The following ZMPSTE24 variants were observed in gnomAD, a reference collection of about 807,000 sequenced individuals.
ZMPSTE24 encodes the protein CAAX prenyl protease 1 homolog.
ZMPSTE24 carries 48 observed loss-of-function variants against 56.7 expected under a neutral mutation model. The observed-to-expected ratio is 0.85, with a 90% CI of 0.67 to 1.08. The LOEUF (loss-of-function observed/expected upper bound fraction) is 1.08. ZMPSTE24 is among the 50% of genes least tolerant of loss of function. The probability of loss-of-function intolerance (pLI) is 0.00; values close to 1 mark genes in which losing one functional copy is unlikely to be tolerated. For synonymous variants in ZMPSTE24, 172 were observed against 195.2 expected, an observed-to-expected ratio of 0.88 and a Z score of 0.99; for missense variants, 503 against 548.7, an observed-to-expected ratio of 0.92 and a Z score of 0.83.
chr1:40,271,495 T>A (rs1373048212), intron 5 of ZMPSTE24, among the ~76,000 whole-genome samples: 1 of 152,208 alleles, frequency 6.6e-6, no homozygotes, highest in Non-Finnish European at 1.5e-5. Flanking sequence ...CTACTAATTC[T>A]TTTTTGGGAA....
At chr1:40,269,151 CTTTG>C (rs1057509552) in intron 4 of ZMPSTE24, among the ~76,000 whole-genome samples, 4 of 150,352 alleles carry the variant, frequency 2.7e-5, no homozygotes, top group Non-Finnish European at 5.9e-5. Flanking sequence ...AATCCCAACA[CTTTG>C]GGAGGCTAAG....
Position 40,259,911 on chromosome 1 carries a change from T to A in ZMPSTE24, c.124-928T>A, listed in dbSNP as rs143470467. ...ACCGTGCTCGATCTCCCCTCAGCTT[T>A]TATTGGCACACAACAATATATAGGG... On this transcript the variant is annotated intron_variant, in intron 1 of 9. Transcript: ENST00000372759. Among the ~76,000 whole-genome samples the A allele has an allele frequency of 2.0e-3, 312 of 152,238 alleles. 1 individual carries two copies. The highest frequency in any genetic ancestry group is 7.3e-3 in the African/African-American group (305 of 41,544).
intron 1 of ZMPSTE24, chr1:40,259,217 CATT>C (rs1293649540): frequency 3.3e-5 from 5 of 151,934 alleles, no homozygotes; most frequent in Non-Finnish European, 1.5e-5. Context: ...ATAAAATCAA[CATT>C]ATTTTAGTTT....
intron 6 of ZMPSTE24, among the ~76,000 whole-genome samples, chr1:40,277,120 G>A (rs559354174): frequency 7.2e-6 from 1 of 138,214 alleles, no homozygotes; most frequent in Non-Finnish European, 1.5e-5. Flanking sequence ...GAATCTTGCT[G>A]TGTCACCCAG....
intron 6 of ZMPSTE24, among the ~76,000 whole-genome samples, chr1:40,273,607 A>G (rs1415042151): frequency 2.2e-5 from 3 of 139,378 alleles, no homozygotes; most frequent in Non-Finnish European, 3.1e-5. Context: ...ATACAGCCCA[A>G]CTAAAGGCAC....
rs1171804146 is a variant in ZMPSTE24, at chr1:40,293,837, A to G, written c.*1168A>G. On this transcript the variant is annotated 3_prime_UTR_variant, in exon 10 of 10. Coordinates refer to ENST00000372759, the MANE Select transcript of ZMPSTE24 (RefSeq NM_005857.5). ...CTGTCCACTTTCTGAATGAGAACTT[A>G]TTTTGTGCCTAGAGCTCTCACTCAC... is the stretch of plus-strand genomic sequence containing the variant. The G allele has an allele frequency of 3.3e-5, 5 of 152,180 alleles. No individual in the cohort carries two copies. The highest frequency in any genetic ancestry group is 1.2e-4 in the African/African-American group (5 of 41,428). 9.4% of individuals were successfully genotyped at this position (152,180 alleles called of 1,614,324 possible).
At chr1:40,260,218 ACT>A (rs1341225255) in intron 1 of ZMPSTE24, among the ~76,000 whole-genome samples, 2 of 151,178 alleles carry the variant, frequency 1.3e-5, no homozygotes, top group Non-Finnish European at 3.0e-5. Flanking sequence ...ATACCACCAC[ACT>A]CTGCTAATTT....
intron 6 of ZMPSTE24, among the ~76,000 whole-genome samples, chr1:40,278,931 T>C (rs1391577503): frequency 6.6e-6 from 1 of 152,128 alleles, no homozygotes; most frequent in Non-Finnish European, 1.5e-5. Flanking sequence ...GGAGAATTGC[T>C]TGAGCCCAGG....
At chr1:40,290,547 G>A (rs1254792773) in intron 8 of ZMPSTE24, 39 of 250,330 alleles carry the variant, frequency 1.6e-4, no homozygotes, top group Middle Eastern at 1.6e-3. Context: ...TGCAAGCTCC[G>A]CCTCCCGGGT....
At chr1:40,289,924 A>G (rs1027539826) in intron 8 of ZMPSTE24, among the ~76,000 whole-genome samples, 3 of 152,136 alleles carry the variant, frequency 2.0e-5, no homozygotes, top group Non-Finnish European at 4.4e-5. Context: ...ACAAGGCCAG[A>G]ATCCATTCTA....
At chr1:40,292,380 C>T in intron 9 of ZMPSTE24, 65 bp from the exon 10 acceptor site, 1 of 1,504,580 alleles carries the variant, frequency 6.6e-7, no homozygotes, top group South Asian at 1.1e-5. Flanking sequence ...AGTCTCAGCT[C>T]ATGGAACCTT....
intron 2 of ZMPSTE24, among the ~76,000 whole-genome samples, chr1:40,264,877 CAAA>C (rs35889679): frequency 1.9e-5 from 1 of 53,258 alleles, no homozygotes; most frequent in Non-Finnish European, 3.7e-5. Flanking sequence ...GATCCTGTCT[CAAA>C]AAAAAAAAAA....
rs312262684 is a variant in ZMPSTE24, at chr1:40,260,837, A to C, written c.124-2A>C. The C allele has an allele frequency of 1.9e-6, 3 of 1,613,050 alleles. No individual in the cohort carries two copies. Among genetic ancestry groups the C allele is most frequent in the Non-Finnish European group, 2.5e-6 (3 of 1,179,212 alleles). ...TAAAGTGTTTTCTTTAAAATATTTC[A>C]GAGAAGGATATATAAAACAACAACT... On this transcript the variant is annotated splice_acceptor_variant, in intron 1 of 9. Transcript: ENST00000372759. LOFTEE classifies it high-confidence loss of function.
rs1057515559 is a variant in ZMPSTE24, at chr1:40,286,020, T to C, written c.1050T>C (p.Ile350=). ...WKLGHTVKNI[I]ISQMNSFLCF... ...TGGGACATACAGTCAAAAATATCATTATTAGCCAGGTAAGTGTGGAGTGAC... is the reference window on the plus strand; with the variant it reads ...TGGGACATACAGTCAAAAATATCATCATTAGCCAGGTAAGTGTGGAGTGAC... The change falls in exon 8 of 10, where the codon ATT becomes ATC. Residue 350 remains isoleucine, a synonymous_variant. Transcript: ENST00000372759. 6.2e-7 allele frequency: 1 copy of C among 1,613,218 alleles called. No individual in the cohort carries two copies. Among genetic ancestry groups the C allele is most frequent in the Non-Finnish European group, 8.5e-7 (1 of 1,179,386 alleles).
intron 6 of ZMPSTE24, among the ~76,000 whole-genome samples, chr1:40,278,633 G>A (rs911941735): frequency 4.7e-5 from 7 of 148,572 alleles, no homozygotes; most frequent in Admixed American, 4.7e-4. Context: ...GTAGATATTA[G>A]GCTCGCTTCA....
rs1488680582 is a variant in ZMPSTE24 at position 40,273,515 on chromosome 1, C to CT, written c.769+1481dup. ...CTGGGCAACAAGAGCCAAATTCTGT[C>CT]TAAAAAAAAAAAAAAAAAAAAAATA... On this transcript the variant is annotated intron_variant, in intron 6 of 9. Coordinates refer to ENST00000372759, the MANE Select transcript of ZMPSTE24 (RefSeq NM_005857.5). Among the ~76,000 whole-genome samples, 6 of 4,398 alleles carry CT rather than the reference C, an allele frequency of 1.4e-3. No individual in the cohort carries two copies. In the Admixed American group the frequency reaches 0.017, roughly 12 times the overall value. 2.9% of individuals were successfully genotyped at this position (4,398 alleles called of 152,430 possible).
Position 40,266,160 on chromosome 1 carries a change from A to G in ZMPSTE24, c.271-1626A>G, listed in dbSNP as rs528958473. On this transcript the variant is annotated intron_variant, in intron 2 of 9. Coordinates refer to ENST00000372759, the MANE Select transcript of ZMPSTE24 (RefSeq NM_005857.5). ...TCTTTAAAAGCATACATAAATCACT[A>G]TATTATTTGTAGATACATGTATGAA... Among the ~76,000 whole-genome samples, 9 of 152,302 alleles carry G rather than the reference A, an allele frequency of 5.9e-5. No individual in the cohort carries two copies. In the South Asian group the frequency reaches 1.9e-3, roughly 32 times the overall value.
In ZMPSTE24 at chr1:40,281,053, A is replaced by C. The variant is rs371633984; in HGVS notation, c.770-290A>C. On this transcript the variant is annotated intron_variant, in intron 6 of 9. Transcript: ENST00000372759. ...TTTGGAAGTATAATTTTTTTCTGGC[A>C]GCTTAAAATTCCATTTCATAGTTTT... 7.9e-5 allele frequency among the ~76,000 whole-genome samples: 12 copies of C among 152,296 alleles called. 1 individual carries two copies. Among genetic ancestry groups the C allele is most frequent in the East Asian group, 3.9e-4 (2 of 5,190 alleles).
chr1:40,271,929 T>A lies in ZMPSTE24; in HGVS notation c.663T>A (p.Pro221=). ...CAATCTATGCTGATTATATTGCCCCTTTATTTGACAAATTCACACCTCTGC... is the reference window on the plus strand; with the variant it reads ...CAATCTATGCTGATTATATTGCCCCATTATTTGACAAATTCACACCTCTGC... ...LVTIYADYIA[P]LFDKFTPLPE... Residue 221 remains proline (P), a synonymous_variant, in exon 6 of 10, where the codon CCT becomes CCA. Transcript: ENST00000372759. The A allele has an allele frequency of 1.2e-6, 2 of 1,613,680 alleles. No homozygotes were observed. The highest frequency in any genetic ancestry group is 1.7e-4 in the Middle Eastern group (1 of 6,058).
Sources: gnomAD v4.1 joint callset for allele counts (sites outside exome capture counted in the v4.1 genomes callset) on GRCh38, gnomAD v4.1.1 for gene constraint, MANE v1.5 for transcripts, NCBI Gene and HGNC (gene_info 2026-07-23, HGNC 2026-07-21) for gene names.